Variants in SPC25 observed in about 807,000 individuals in gnomAD.
SPC25 encodes SPC25 component of NDC80 kinetochore complex.
In SPC25, 22 loss-of-function variants were observed where a neutral mutation model predicts 29.6. The observed-to-expected ratio is 0.74, with a 90% CI of 0.53 to 1.06. The LOEUF (loss-of-function observed/expected upper bound fraction) is 1.06, where lower values mean the gene tolerates loss of function less well. Among genes scored for constraint, SPC25 ranks in the 50% least tolerant of loss-of-function variants. The pLI is 0.00. For missense variants in SPC25, 230 were observed against 255.8 expected (o/e 0.90, Z 0.69); for synonymous variants, 91 against 90.4 (o/e 1.01, Z -0.04).
At chr2:168,864,861 A>C (rs760424889) in intron 4 of SPC25, 2 of 1,614,022 alleles carry the variant, frequency 1.2e-6, no homozygotes, top group Non-Finnish European at 1.7e-6. Context: ...CACGAGAAAA[A>C]AGAAGGAGGA....
In SPC25 at chr2:168,876,083, C is replaced by T. The variant is rs373463237; in HGVS notation, c.440G>A (p.Arg147Gln). 8.5e-5 allele frequency: 130 copies of T among 1,527,346 alleles called. 1 individual carries two copies. Among genetic ancestry groups the T allele is most frequent in the South Asian group, 1.1e-4 (8 of 74,398 alleles). 94.6% of individuals were successfully genotyped at this position (1,527,346 alleles called of 1,614,324 possible). Residue 147 changes from arginine (R) to glutamine (Q), a missense_variant, in exon 5 of 7, where the codon CGA becomes CAA. By Grantham distance (43) the Arg-to-Gln change is conservative. Coordinates refer to ENST00000282074, the MANE Select transcript of SPC25 (RefSeq NM_020675.4). The stretch of plus-strand genomic sequence containing the variant: ...ATTAACAAACTTACCATAAATTTTT[C>T]GAATTTCTAGTCCAAGTCGATCTTT... ...LYKDRLGLEI[R>Q]KIYGEKLQFI... is the part of the protein sequence containing the mutation.
At chr2:168,873,735 C>A (rs1690037675) in intron 5 of SPC25, 52 bp from the exon 6 acceptor site, 1 of 1,153,426 alleles carries the variant, frequency 8.7e-7, no homozygotes, top group East Asian at 2.4e-5. Context: ...TGGAGATACC[C>A]TTTCTTACTC....
At chr2:168,872,814 A>C (rs868564142) in intron 6 of SPC25, among the ~76,000 whole-genome samples, 1 of 152,152 alleles carries the variant, frequency 6.6e-6, no homozygotes, top group Non-Finnish European at 1.5e-5. Flanking sequence ...TCAGATTCTC[A>C]AAATATAAAT....
Position 168,864,687 on chromosome 2 carries a change from G to A in SPC25, n.419+8898C>T, listed in dbSNP as rs184311803. On this transcript the variant is annotated intron_variant and non_coding_transcript_variant, in intron 4 of 4. Transcript: ENST00000479309. ...ATGCCTGCTTTATACACAGGTGTTC[G>A]ATACATTTGGCTTCATCTGAATCAA... is the stretch of plus-strand genomic sequence containing the variant. The A allele has an allele frequency of 1.8e-5, 14 of 772,894 alleles. 1 individual carries two copies. Among genetic ancestry groups the A allele is most frequent in the Admixed American group, 1.0e-4 (4 of 39,222 alleles). The allele number at this position is 772,894 out of a possible 1,614,324, so 47.9% of individuals were successfully genotyped here.
chr2:168,863,363 T>C (rs534310), intron 4 of SPC25: 808,119 of 971,772 alleles, frequency 0.83, 336,504 homozygotes, highest in East Asian at 0.92. Flanking sequence ...AGTTAATAAT[T>C]TCCTTTGTCT....
chr2:168,864,856 G>C, intron 4 of SPC25: 1 of 1,613,856 alleles, frequency 6.2e-7, no homozygotes, highest in African/African-American at 1.3e-5. Flanking sequence ...TTATACACGA[G>C]AAAAAAGAAG....
intron 6 of SPC25, 101 bp downstream of exon 6, chr2:168,873,484 G>T: frequency 1.3e-6 from 1 of 775,576 alleles, no homozygotes; most frequent in Non-Finnish European, 2.2e-6. Context: ...AAGCAATAGA[G>T]TCTGGAGCTA....
chr2:168,889,058 CATATATATATACACATATATATACAT>C (rs199510805), intron 3 of SPC25, among the ~76,000 whole-genome samples, 142 bp downstream of exon 3: 42,375 of 116,334 alleles, frequency 0.36, 7,647 homozygotes, highest in East Asian at 0.61. Flanking sequence ...CATATATATA[CATATATATATACACATATATATACAT>C]ATATATACAC....
downstream of SPC25, among the ~76,000 whole-genome samples, chr2:168,867,195 A>G (rs1689877161): frequency 6.6e-6 from 1 of 152,158 alleles, no homozygotes. Context: ...TTGCAGCACT[A>G]TTCACAATAG....
At chr2:168,865,062 T>C in intron 4 of SPC25, 1 of 1,411,908 alleles carries the variant, frequency 7.1e-7, no homozygotes, top group Non-Finnish European at 9.7e-7. Context: ...TTTACATGTT[T>C]TTCTTTTGAA....
intron 4 of SPC25, chr2:168,862,065 A>C: frequency 6.2e-7 from 1 of 1,607,016 alleles, no homozygotes; most frequent in Non-Finnish European, 8.5e-7. Context: ...AATCATTCTC[A>C]AATATTTTAA....
chr2:168,865,533 C>T (rs1209111438), intron 4 of SPC25: 3 of 152,694 alleles, frequency 2.0e-5, no homozygotes, highest in Non-Finnish European at 4.4e-5. Flanking sequence ...TGGACAAAAA[C>T]TGGAAGCATT....
intron 3 of SPC25, among the ~76,000 whole-genome samples, chr2:168,877,836 A>C (rs911415732): frequency 1.2e-4 from 18 of 152,068 alleles, no homozygotes; most frequent in African/African-American, 4.1e-4. Flanking sequence ...CATCCCTAGT[A>C]CCTGGGACTA....
At chr2:168,889,035 A>G (rs10084171) in intron 3 of SPC25, among the ~76,000 whole-genome samples, 191 bp downstream of exon 3, 1,278 of 21,456 alleles carry the variant, frequency 0.06, 20 homozygotes, top group African/African-American at 0.12. Context: ...ATATATATAC[A>G]TATATATATA....
At chr2:168,881,986 A>G (rs1690183566) in intron 3 of SPC25, among the ~76,000 whole-genome samples, 1 of 152,244 alleles carries the variant, frequency 6.6e-6, no homozygotes, top group Admixed American at 6.5e-5. Flanking sequence ...TAACAAACAG[A>G]AAATTCAGAA....
At chr2:168,864,077 C>T (rs1391556637) in intron 4 of SPC25, among the ~76,000 whole-genome samples, 1 of 151,978 alleles carries the variant, frequency 6.6e-6, no homozygotes, top group South Asian at 2.1e-4. Context: ...AAGTGATTCT[C>T]CTGCCTCAGT....
rs940761364 is a variant in SPC25, at chr2:168,878,617, T to C, written c.200-1233A>G. Among the ~76,000 whole-genome samples, 17 of 152,300 alleles carry C rather than the reference T, an allele frequency of 1.1e-4. 1 individual carries two copies. Among genetic ancestry groups the C allele is most frequent in the African/African-American group, 4.1e-4 (17 of 41,574 alleles). On this transcript the variant is annotated intron_variant, in intron 3 of 6. Transcript: ENST00000282074. Reference sequence around the variant, plus strand: ...ACTATTTTTCATTATATGTAGACAATAGACATCTATCTAGAATACTCAGAA... The same window carrying C: ...ACTATTTTTCATTATATGTAGACAACAGACATCTATCTAGAATACTCAGAA...
chr2:168,884,175 T>G (rs962658333), intron 3 of SPC25, among the ~76,000 whole-genome samples: 5 of 152,168 alleles, frequency 3.3e-5, no homozygotes, highest in Admixed American at 1.3e-4. Flanking sequence ...CTTTGCATTT[T>G]CACTCCAATG....
intron 6 of SPC25, 84 bp from the exon 7 acceptor site, chr2:168,871,639 A>C: frequency 1.6e-6 from 2 of 1,279,606 alleles, no homozygotes; most frequent in Non-Finnish European, 2.1e-6. Context: ...AGATGCTCTC[A>C]TCTGGTTTGA....
Sources: gnomAD v4.1 joint callset for allele counts (sites outside exome capture counted in the v4.1 genomes callset) on GRCh38, gnomAD v4.1.1 for gene constraint, MANE v1.5 for transcripts, NCBI Gene and HGNC (gene_info 2026-07-23, HGNC 2026-07-21) for gene names.